The following OTOF variants were observed in gnomAD, a reference collection of about 807,000 sequenced individuals.
OTOF encodes fer-1-like family member 2.
OTOF carries 218 observed loss-of-function variants against 236.8 expected under a neutral mutation model. The observed-to-expected ratio is 0.92, with a 90% CI of 0.82 to 1.03. OTOF has a LOEUF of 1.03. Among genes scored for constraint, OTOF ranks in the 50% least tolerant of loss-of-function variants. OTOF has a pLI of 0.00. For missense variants in OTOF, 2,590 were observed against 2,694.4 expected (o/e 0.96, Z 0.86); for synonymous variants, 1,041 against 1,072.5 (o/e 0.97, Z 0.57).
chr2:26,504,310 G>C (rs548494913), intron 5 of OTOF, among the ~76,000 whole-genome samples: 31 of 152,272 alleles, frequency 2.0e-4, no homozygotes, highest in Non-Finnish European at 3.8e-4. Context: ...CGGCGGGGCA[G>C]GGACCAGAGA....
Position 26,480,191 on chromosome 2 carries a change from C to T in OTOF, c.1912+12G>A. ...CACCTAGGCCCGAAGCCCCCGTGGGCCCAGCACTCACCTATGGTGACCTCA... is the reference window on the plus strand; with the variant it reads ...CACCTAGGCCCGAAGCCCCCGTGGGTCCAGCACTCACCTATGGTGACCTCA... On this transcript the variant is annotated intron_variant, in intron 16 of 46. Transcript: ENST00000272371. 1 of 1,558,664 alleles carries T rather than the reference C, an allele frequency of 6.4e-7. No homozygotes were observed. The highest frequency in any genetic ancestry group is 8.8e-7 in the Non-Finnish European group (1 of 1,130,386).
At chr2:26,530,614 C>T (rs1251935143) in intron 2 of OTOF, among the ~76,000 whole-genome samples, 2 of 152,164 alleles carry the variant, frequency 1.3e-5, no homozygotes, top group African/African-American at 4.8e-5. Context: ...GCATTTTCCA[C>T]CCACACGAGG....
chr2:26,471,052 T>G lies in OTOF; in HGVS notation c.3894+69A>C, dbSNP rs182876214. ...TGGCTCTGTCCCTGATGCTGGACCC[T>G]TTGGCCTGACATCATTGCCAATAAA... is the stretch of plus-strand genomic sequence containing the variant. On this transcript the variant is annotated intron_variant, in intron 31 of 46. Coordinates refer to ENST00000272371, the MANE Select transcript of OTOF (RefSeq NM_194248.3). 3.0e-4 allele frequency: 478 copies of G among 1,576,368 alleles called. No homozygotes were observed. The African/African-American group carries it at 5.6e-3, about 18-fold the overall frequency.
intron 5 of OTOF, among the ~76,000 whole-genome samples, chr2:26,508,369 G>A (rs544688871): frequency 6.6e-6 from 1 of 152,342 alleles, no homozygotes; most frequent in Non-Finnish European, 1.5e-5. Flanking sequence ...AGGTGTCTTT[G>A]AAAGTGTGTT....
intron 33 of OTOF, among the ~76,000 whole-genome samples, chr2:26,467,939 G>A (rs976105253): frequency 1.3e-5 from 2 of 152,274 alleles, no homozygotes; most frequent in Admixed American, 6.5e-5. Flanking sequence ...CAATAAGCTG[G>A]GGAAATATTT....
chr2:26,477,578 C>T lies in OTOF; in HGVS notation c.2315+71G>A. On this transcript the variant is annotated intron_variant, in intron 19 of 46. Coordinates refer to ENST00000272371, the MANE Select transcript of OTOF (RefSeq NM_194248.3). This position sits in a 1 kb window ranked among gnomAD's most constrained non-coding sequence, Gnocchi z 4.7. ...CTCTGTAGATTCTTCCTCATCTGCC[C>T]AGCCCTGGCAGGGTCCCCTTTGTCC... 6.3e-7 allele frequency: 1 copy of T among 1,599,404 alleles called. No homozygotes were observed. Among genetic ancestry groups the T allele is most frequent in the South Asian group, 1.1e-5 (1 of 90,120 alleles).
At chr2:26,509,766 C>G (rs1339941837) in intron 5 of OTOF, among the ~76,000 whole-genome samples, 1 of 152,204 alleles carries the variant, frequency 6.6e-6, no homozygotes, top group African/African-American at 2.4e-5. Context: ...CTTTTCAGCT[C>G]TCATTGGTAT....
At chr2:26,493,393 C>A (rs1055627389) in intron 9 of OTOF, among the ~76,000 whole-genome samples, 1 of 152,170 alleles carries the variant, frequency 6.6e-6, no homozygotes, top group African/African-American at 2.4e-5. Flanking sequence ...GACTCAGCTG[C>A]CTTACTTGGG....
At chr2:26,498,920 G>T (rs1267122938) in intron 8 of OTOF, among the ~76,000 whole-genome samples, 1 of 152,142 alleles carries the variant, frequency 6.6e-6, no homozygotes, top group African/African-American at 2.4e-5. Flanking sequence ...TTGCTCCAGT[G>T]GTGGCATGGA....
chr2:26,477,626 A>G lies in OTOF; in HGVS notation c.2315+23T>C, dbSNP rs1482213818. On this transcript the variant is annotated intron_variant, in intron 19 of 46. Transcript: ENST00000272371. This position sits in a 1 kb window ranked among gnomAD's most constrained non-coding sequence, Gnocchi z 4.7. ...TCCAGTTCCGCCTCATCCTCCCCCC[A>G]CCTGCCGCCCCTCCCTTCTCACCAG... 8 of 1,610,988 alleles carry G rather than the reference A, an allele frequency of 5.0e-6. No individual in the cohort carries two copies. The Admixed American group carries it at 1.3e-4, about 27-fold the overall frequency.
chr2:26,533,969 C>T (rs969740643), intron 2 of OTOF, among the ~76,000 whole-genome samples: 1 of 152,134 alleles, frequency 6.6e-6, no homozygotes, highest in Admixed American at 6.5e-5. Flanking sequence ...TCTTCTTCCT[C>T]TTGGCTCAGA....
At chr2:26,467,011 G>C in intron 35 of OTOF, 88 bp downstream of exon 35, 1 of 1,575,640 alleles carries the variant, frequency 6.3e-7, no homozygotes, top group South Asian at 1.1e-5. Flanking sequence ...GGCAGTGGCC[G>C]GGGCAGTGGT....
chr2:26,515,245 A>G (rs527720209), intron 5 of OTOF, among the ~76,000 whole-genome samples: 35 of 152,348 alleles, frequency 2.3e-4, no homozygotes, highest in African/African-American at 8.4e-4. Context: ...GTTTTCTGCT[A>G]AAGAGCCAGG....
intron 8 of OTOF, 94 bp downstream of exon 8, chr2:26,501,660 T>A: frequency 1.1e-6 from 1 of 888,484 alleles, no homozygotes; most frequent in South Asian, 1.3e-5. Flanking sequence ...GACCCCTGGA[T>A]CCATGCCTCA....
At chr2:26,541,396 A>G (rs796179799) in intron 1 of OTOF, among the ~76,000 whole-genome samples, 10 of 152,384 alleles carry the variant, frequency 6.6e-5, no homozygotes, top group African/African-American at 2.4e-4. Context: ...AATATTCTCA[A>G]ACATGATGAG....
At chr2:26,525,815 G>C (rs759659298) in intron 3 of OTOF, among the ~76,000 whole-genome samples, 12 of 152,190 alleles carry the variant, frequency 7.9e-5, no homozygotes, top group African/African-American at 2.9e-4. Context: ...GGCCAAAAGT[G>C]GTGGCTCACG....
At chr2:26,536,460 TG>T (rs1461292194) in intron 2 of OTOF, among the ~76,000 whole-genome samples, 1 of 151,922 alleles carries the variant, frequency 6.6e-6, no homozygotes, top group Non-Finnish European at 1.5e-5. Context: ...CTGAAGTGGT[TG>T]GGGAGGGTGT....
At chr2:26,534,504 T>C (rs1186663642) in intron 2 of OTOF, among the ~76,000 whole-genome samples, 3 of 152,150 alleles carry the variant, frequency 2.0e-5, no homozygotes, top group Admixed American at 2.0e-4. Flanking sequence ...TTGTCTTTCT[T>C]CCATGGCATC....
At chr2:26,478,093 G>A (rs1316529731) in intron 18 of OTOF, 2 of 1,353,878 alleles carry the variant, frequency 1.5e-6, no homozygotes, top group South Asian at 1.7e-5. Flanking sequence ...AGGACTGGAT[G>A]TGCCAAGATC....
Sources: gnomAD v4.1 joint callset for allele counts (sites outside exome capture counted in the v4.1 genomes callset) on GRCh38, gnomAD v4.1.1 for gene constraint, Gnocchi (gnomAD v3.1) non-coding constraint, MANE v1.5 for transcripts, NCBI Gene and HGNC (gene_info 2026-07-23, HGNC 2026-07-21) for gene names.